RNF167: variants seen among roughly 807,000 people sequenced by gnomAD.
RNF167 encodes ring finger protein 167.
A neutral mutation model predicts 34.8 loss-of-function variants in RNF167; 19 were observed. The observed-to-expected ratio is 0.55, with a 90% CI of 0.38 to 0.80. RNF167 has a LOEUF of 0.80. Ranked by LOEUF, RNF167 falls within the 30% of genes least tolerant of loss-of-function variation. The probability of loss-of-function intolerance (pLI) is 0.00; values close to 1 mark genes in which losing one functional copy is unlikely to be tolerated. For synonymous variants in RNF167, 200 were observed against 170.4 expected, an observed-to-expected ratio of 1.17 and a Z score of -1.35; for missense variants, 464 against 447.0, an observed-to-expected ratio of 1.04 and a Z score of -0.34.
rs539737019 is a variant in RNF167 at position 4,941,236 on chromosome 17, A to G, written c.165+79A>G. On this transcript the variant is annotated intron_variant, in intron 3 of 9. Transcript: ENST00000262482. ...TTTTTTCTTTTTTTAGTATTTCGCA[A>G]GATCCTCCATCCTAGGCTGGGGTTG... 1.7e-5 allele frequency: 23 copies of G among 1,315,534 alleles called. 1 individual carries two copies. In the African/African-American group the frequency reaches 2.8e-4, roughly 16 times the overall value. The allele number at this position is 1,315,534 out of a possible 1,614,324, so 81.5% of individuals were successfully genotyped here.
chr17:4,944,922 C>T lies in RNF167; in HGVS notation c.959C>T (p.Ser320Phe), dbSNP rs1971252415. The T allele has an allele frequency of 1.9e-6, 3 of 1,612,954 alleles. No homozygotes were observed. Among genetic ancestry groups the T allele is most frequent in the African/African-American group, 1.3e-5 (1 of 74,878 alleles). Reference sequence around the variant, plus strand: ...GGTTCTAGCCCCACTCTTCCCACCTCCTTTGGTTCCTTAGCCCCAGCTCCC... The same window carrying T: ...GGTTCTAGCCCCACTCTTCCCACCTTCTTTGGTTCCTTAGCCCCAGCTCCC... ...LLGSSPTLPTSFGSLAPAPLV... is the reference protein window; with the variant it reads ...LLGSSPTLPTFFGSLAPAPLV... The change falls in exon 10 of 10, where the codon TCC (serine) becomes TTC (phenylalanine). Residue 320 changes from serine to phenylalanine, a missense_variant. Physicochemically the swap from Ser to Phe is radical, Grantham distance 155 (BLOSUM62 -2). Transcript: ENST00000262482.
rs1567662225 is a variant in RNF167, at chr17:4,944,701, GTT to G, written c.752-13_752-12del. On this transcript the variant is annotated splice_polypyrimidine_tract_variant and intron_variant, in intron 9 of 9. Transcript: ENST00000262482. ...CAGCAGCCACCAGGTGCTTCACCTT[GTT>G]CCTCTCTGCAGCCTACCACAGCCGC... 3.1e-6 allele frequency: 5 copies of G among 1,614,138 alleles called. No individual in the cohort carries two copies. The Admixed American group carries it at 5.0e-5, about 16-fold the overall frequency.
rs989203618 is a variant in RNF167 at position 4,943,504 on chromosome 17, C to T, written c.655C>T (p.His219Tyr). The change falls in exon 8 of 10, where the codon CAT becomes TAT. Residue 219 changes from histidine (H) to tyrosine (Y), a missense_variant. Physicochemically the swap from His to Tyr is moderately conservative, Grantham distance 83. Coordinates refer to ENST00000262482, the MANE Select transcript of RNF167 (RefSeq NM_015528.3). ...AGAGCAACTGAAACAGATTCCTACA[C>T]ATGACTATCAGAAGGGTGAGGGGGT... is the stretch of plus-strand genomic sequence containing the variant. Reference protein sequence around the residue: ...TKEQLKQIPTHDYQKGDQYDV... With the variant: ...TKEQLKQIPTYDYQKGDQYDV... 3.7e-6 allele frequency: 6 copies of T among 1,613,192 alleles called. No homozygotes were observed. The African/African-American group carries it at 4.0e-5, about 11-fold the overall frequency.
Position 4,942,456 on chromosome 17 carries a change from T to C in RNF167, c.281T>C (p.Phe94Ser). ...IALLRRFDCNFDLKVLNAQKA... is the reference protein window; with the variant it reads ...IALLRRFDCNSDLKVLNAQKA... ...CTGCTTCGAAGATTCGACTGCAACT[T>C]TGACCTCAAGGTTGCTGAATGAGGA... Residue 94 changes from phenylalanine (F) to serine (S), a missense_variant, in exon 4 of 10, where the codon TTT becomes TCT. Coordinates refer to ENST00000262482, the MANE Select transcript of RNF167 (RefSeq NM_015528.3). 6.2e-7 allele frequency: 1 copy of C among 1,614,060 alleles called. No individual in the cohort carries two copies. Among genetic ancestry groups the C allele is most frequent in the South Asian group, 1.1e-5 (1 of 91,072 alleles).
rs979035491 is a variant in RNF167 at position 4,940,682 on chromosome 17, A to G, written c.-228A>G. ...CCTTTCCGCGTTTTATCCCCGTACC[A>G]GAAAAGGATACATTTAGTGCCTCCC... On this transcript the variant is annotated 5_prime_UTR_variant, in exon 2 of 10. Transcript: ENST00000262482. 2 of 426,354 alleles carry G rather than the reference A, an allele frequency of 4.7e-6. No individual in the cohort carries two copies. The highest frequency in any genetic ancestry group is 8.3e-6 in the Non-Finnish European group (2 of 240,882). The allele number at this position is 426,354 out of a possible 1,614,324, so 26.4% of individuals were successfully genotyped here. A position where few individuals can be genotyped will look rare whatever the true frequency, so the allele number is the denominator to read the frequency against.
rs1970686680 is a variant in RNF167 at position 4,940,538 on chromosome 17, C to G, written c.-372C>G. The G allele has an allele frequency of 4.7e-6, 1 of 211,670 alleles. No homozygotes were observed. Among genetic ancestry groups the G allele is most frequent in the South Asian group, 1.7e-4 (1 of 5,846 alleles). 13.1% of individuals were successfully genotyped at this position (211,670 alleles called of 1,614,324 possible). On this transcript the variant is annotated 5_prime_UTR_variant, in exon 2 of 10. Coordinates refer to ENST00000262482, the MANE Select transcript of RNF167 (RefSeq NM_015528.3). ...CCAATGCTGAAAGCGGCCTGATTTT[C>G]TCTACCGGAAGCCCTTTTCCAGAGG...
chr17:4,943,813 G>A (rs1482332666), intron 8 of RNF167, among the ~76,000 whole-genome samples: 1 of 152,292 alleles, frequency 6.6e-6, no homozygotes, highest in African/African-American at 2.4e-5. Flanking sequence ...GGGCAATGTG[G>A]TGAGACCCCA....
chr17:4,941,438 A>G (rs1375157174), intron 3 of RNF167, among the ~76,000 whole-genome samples: 1 of 152,234 alleles, frequency 6.6e-6, no homozygotes. Context: ...GGTCCTTATC[A>G]GGAAGGTCTC....
intron 8 of RNF167, 129 bp from the exon 9 acceptor site, chr17:4,944,429 T>C: frequency 6.9e-7 from 1 of 1,458,250 alleles, no homozygotes; most frequent in Non-Finnish European, 9.0e-7. Flanking sequence ...CCTGACCTTA[T>C]CCTGCCTACC....
upstream of RNF167, chr17:4,940,262 C>T (rs1333749915): frequency 1.9e-5 from 4 of 210,692 alleles, no homozygotes; most frequent in African/African-American, 7.0e-5. Flanking sequence ...GGAGCGCTCT[C>T]GCGATAGACA....
In RNF167 at chr17:4,942,369, A is replaced by G; in HGVS notation, c.194A>G (p.Asn65Ser). Reference protein sequence around the residue: ...QGFLVEAHPDNACSPIAPPPP... With the variant: ...QGFLVEAHPDSACSPIAPPPP... Reference sequence around the variant, plus strand: ...TTCCTTGTGGAGGCTCACCCAGACAATGCCTGCAGCCCCATTGCCCCACCA... The same window carrying G: ...TTCCTTGTGGAGGCTCACCCAGACAGTGCCTGCAGCCCCATTGCCCCACCA... The change falls in exon 4 of 10, where the codon AAT becomes AGT. Residue 65 changes from asparagine (N) to serine (S), a missense_variant. Coordinates refer to ENST00000262482, the MANE Select transcript of RNF167 (RefSeq NM_015528.3). The G allele has an allele frequency of 6.2e-7, 1 of 1,614,042 alleles. No homozygotes were observed. Among genetic ancestry groups the G allele is most frequent in the Non-Finnish European group, 8.5e-7 (1 of 1,180,002 alleles).
chr17:4,942,500 A>AG, intron 4 of RNF167, 34 bp downstream of exon 4: 1 of 1,613,226 alleles, frequency 6.2e-7, no homozygotes, highest in Non-Finnish European at 8.5e-7. Flanking sequence ...TGGGCAGCTG[A>AG]GGGTAAAAAA....
rs777887384 is a variant in RNF167, at chr17:4,942,322, G to C, written c.166-19G>C. 2 of 1,612,074 alleles carry C rather than the reference G, an allele frequency of 1.2e-6. No homozygotes were observed. The highest frequency in any genetic ancestry group is 2.2e-5 in the South Asian group (2 of 91,054). ...TCTAGAAAGGAGAAATCTCACTGTT[G>C]TTTGCTTCCATCCTTCAGGGGTTCC... is the stretch of plus-strand genomic sequence containing the variant. On this transcript the variant is annotated intron_variant, in intron 3 of 9. Coordinates refer to ENST00000262482, the MANE Select transcript of RNF167 (RefSeq NM_015528.3).
Position 4,943,207 on chromosome 17 carries a change from A to G in RNF167, c.499A>G (p.Thr167Ala), listed in dbSNP as rs747046135. The change falls in exon 7 of 10, where the codon ACC (threonine) becomes GCC (alanine). Residue 167 changes from threonine to alanine, a missense_variant. Thr to Ala is a moderately conservative substitution (Grantham distance 58). Transcript: ENST00000262482. Reference sequence around the variant, plus strand: ...TCGGGTGCTTCTGGTTCCAGACAATACCTTCCCCTTGGGCTATTACCTCAT... The same window carrying G: ...TCGGGTGCTTCTGGTTCCAGACAATGCCTTCCCCTTGGGCTATTACCTCAT... ...GARVLLVPDNTFPLGYYLIPF... is the reference protein window; with the variant it reads ...GARVLLVPDNAFPLGYYLIPF... 32 of 1,613,786 alleles carry G rather than the reference A, an allele frequency of 2.0e-5. No individual in the cohort carries two copies. The highest frequency in any genetic ancestry group is 2.5e-5 in the Non-Finnish European group (29 of 1,179,982).
chr17:4,942,043 A>T (rs1970862978), intron 3 of RNF167, among the ~76,000 whole-genome samples: 1 of 152,238 alleles, frequency 6.6e-6, no homozygotes, highest in Non-Finnish European at 1.5e-5. Context: ...ATTGAATTAC[A>T]ATTGGAATAT....
In RNF167 at chr17:4,943,203, C is replaced by A; in HGVS notation, c.495C>A (p.Asp165Glu). 1.2e-6 allele frequency: 2 copies of A among 1,614,130 alleles called. No individual in the cohort carries two copies. The highest frequency in any genetic ancestry group is 1.7e-6 in the Non-Finnish European group (2 of 1,180,020). ...GGGCTCGGGTGCTTCTGGTTCCAGACAATACCTTCCCCTTGGGCTATTACC... is the reference window on the plus strand; with the variant it reads ...GGGCTCGGGTGCTTCTGGTTCCAGAAAATACCTTCCCCTTGGGCTATTACC... ...EKGARVLLVP[D>E]NTFPLGYYLI... is the part of the protein sequence containing the mutation. The change falls in exon 7 of 10, where the codon GAC becomes GAA. Residue 165 changes from aspartate (D) to glutamate (E), a missense_variant. Coordinates refer to ENST00000262482, the MANE Select transcript of RNF167 (RefSeq NM_015528.3).
intron 3 of RNF167, 96 bp downstream of exon 3, chr17:4,941,253 C>A: frequency 3.4e-6 from 4 of 1,170,236 alleles, no homozygotes; most frequent in African/African-American, 1.5e-5. Context: ...CCATCCTAGG[C>A]TGGGGTTGGG....
intron 4 of RNF167, 44 bp downstream of exon 4, chr17:4,942,510 A>G (rs1158069088): frequency 1.2e-6 from 2 of 1,613,128 alleles, no homozygotes; most frequent in Non-Finnish European, 1.7e-6. Flanking sequence ...AGGGTAAAAA[A>G]AAGGCACCAG....
chr17:4,942,708 C>T (rs770132792), intron 5 of RNF167, 44 bp downstream of exon 5: 7 of 1,603,820 alleles, frequency 4.4e-6, no homozygotes, highest in Non-Finnish European at 6.0e-6. Context: ...CAGTAGGACC[C>T]AGAGATGGTG....
Sources: allele counts gnomAD v4.1 joint callset (sites outside exome capture counted in the v4.1 genomes callset), GRCh38; gene constraint gnomAD v4.1.1; transcripts MANE v1.5; gene names NCBI Gene and HGNC (gene_info 2026-07-23, HGNC 2026-07-21).